Variants in SGCZ observed in about 807,000 individuals in gnomAD.
SGCZ encodes sarcoglycan zeta.
A neutral mutation model predicts 41.3 loss-of-function variants in SGCZ; 40 were observed. The ratio of observed to expected loss-of-function variants is 0.97; its 90% CI spans 0.75 to 1.26. The LOEUF is 1.26. Ranked by LOEUF, SGCZ falls within the 50% of genes most tolerant of loss-of-function variation. The pLI is 0.00. For synonymous variants in SGCZ, 206 were observed against 137.5 expected (o/e 1.50, Z -3.49); for missense variants, 552 against 369.8 (o/e 1.49, Z -4.04).
intron 1 of SGCZ, among the ~76,000 whole-genome samples, chr8:14,742,047 A>G (rs1377596217): frequency 3.3e-5 from 5 of 152,110 alleles, no homozygotes; most frequent in Non-Finnish European, 7.4e-5. Context: ...CAATAGTAAG[A>G]AAATGATAAC....
intron 1 of SGCZ, among the ~76,000 whole-genome samples, chr8:14,854,665 GAGA>G (rs149766865): frequency 1.1e-3 from 160 of 152,284 alleles, no homozygotes; most frequent in East Asian, 4.1e-3. Context: ...AAACAGTAGA[GAGA>G]AGAAGGATTT....
At chr8:14,888,415 A>G (rs953307639) in intron 1 of SGCZ, among the ~76,000 whole-genome samples, 1 of 152,158 alleles carries the variant, frequency 6.6e-6, no homozygotes, top group Non-Finnish European at 1.5e-5. Context: ...TTGAACCGTG[A>G]CTATGATTTC....
chr8:14,162,908 T>C (rs1804090097), intron 5 of SGCZ, among the ~76,000 whole-genome samples: 1 of 152,198 alleles, frequency 6.6e-6, no homozygotes, highest in African/African-American at 2.4e-5. Context: ...TCTGGCTCTG[T>C]CACTTGTGCT....
chr8:14,102,085 T>C (rs28590481), intron 7 of SGCZ, among the ~76,000 whole-genome samples: 30,141 of 124,324 alleles, frequency 0.24, 3,428 homozygotes, highest in Middle Eastern at 0.29. Flanking sequence ...TTTATATATA[T>C]ATATATATAT....
chr8:15,033,981 A>G (rs1397631798), intron 1 of SGCZ, among the ~76,000 whole-genome samples: 1 of 152,218 alleles, frequency 6.6e-6, no homozygotes, highest in African/African-American at 2.4e-5. Context: ...GACAAAGCCA[A>G]TCTTTAAAGA....
At chr8:14,144,873 C>CT (rs1803475831) in intron 5 of SGCZ, among the ~76,000 whole-genome samples, 1 of 152,022 alleles carries the variant, frequency 6.6e-6, no homozygotes, top group Admixed American at 6.6e-5. Context: ...GTGGTGGTGG[C>CT]TACTGGGTGA....
intron 5 of SGCZ, among the ~76,000 whole-genome samples, chr8:14,150,242 A>C (rs1177567660): frequency 6.6e-6 from 1 of 152,100 alleles, no homozygotes; most frequent in Non-Finnish European, 1.5e-5. Context: ...AGTGAAGAGA[A>C]AACCCACAAA....
intron 1 of SGCZ, among the ~76,000 whole-genome samples, chr8:14,718,489 A>C (rs1809770376): frequency 6.6e-6 from 1 of 152,084 alleles, no homozygotes; most frequent in African/African-American, 2.4e-5. Context: ...GTCCCAAATC[A>C]ATGATAACTA....
intron 1 of SGCZ, among the ~76,000 whole-genome samples, chr8:15,005,198 A>T (rs893745079): frequency 6.6e-6 from 1 of 152,110 alleles, no homozygotes; most frequent in Non-Finnish European, 1.5e-5. Context: ...GAGGCATCAA[A>T]AGTTCAAAAG....
intron 1 of SGCZ, among the ~76,000 whole-genome samples, chr8:14,838,123 C>T (rs371355603): frequency 3.9e-4 from 60 of 151,944 alleles, no homozygotes; most frequent in African/African-American, 8.0e-4. Flanking sequence ...CACTCATATG[C>T]GGGATAGAGA....
At chr8:15,235,147 C>G (rs1417968850) in intron 1 of SGCZ, among the ~76,000 whole-genome samples, 2 of 152,192 alleles carry the variant, frequency 1.3e-5, no homozygotes, top group South Asian at 4.1e-4. Flanking sequence ...CAGAGACTAA[C>G]TTGAACTGGA....
chr8:14,279,034 TAAA>T (rs2117283629), intron 3 of SGCZ, among the ~76,000 whole-genome samples: 2 of 152,188 alleles, frequency 1.3e-5, no homozygotes, highest in African/African-American at 4.8e-5. Flanking sequence ...CCCTGCAAAA[TAAA>T]ATAATGTGAT....
chr8:14,844,134 A>G lies in SGCZ; in HGVS notation c.40-289208T>C, dbSNP rs145474807. ...CCATGTATACTGTACCAAAATTCAC[A>G]AACACTCAAGTTTCTCATATAAAAT... is the stretch of plus-strand genomic sequence containing the variant. On this transcript the variant is annotated intron_variant, in intron 1 of 7. Transcript: ENST00000382080. Among the ~76,000 whole-genome samples, 25 of 152,184 alleles carry G rather than the reference A, an allele frequency of 1.6e-4. No individual in the cohort carries two copies. The East Asian group carries it at 4.4e-3, about 27-fold the overall frequency.
chr8:14,425,846 G>A (rs1408739733), intron 2 of SGCZ, among the ~76,000 whole-genome samples: 1 of 151,908 alleles, frequency 6.6e-6, no homozygotes, highest in African/African-American at 2.4e-5. Flanking sequence ...TAAGGACCAA[G>A]TAATAACAAA....
At chr8:14,267,389 C>T (rs1799910506) in intron 3 of SGCZ, among the ~76,000 whole-genome samples, 1 of 151,982 alleles carries the variant, frequency 6.6e-6, no homozygotes, top group Non-Finnish European at 1.5e-5. Context: ...TCTAATCAGC[C>T]TACTAGTGCC....
intron 2 of SGCZ, among the ~76,000 whole-genome samples, chr8:14,547,173 G>A (rs1803655228): frequency 6.6e-6 from 1 of 152,070 alleles, no homozygotes; most frequent in Non-Finnish European, 1.5e-5. Context: ...TTGACACTCT[G>A]TTCATTAAAG....
chr8:14,140,715 G>A (rs751944186), intron 5 of SGCZ, among the ~76,000 whole-genome samples: 7 of 152,070 alleles, frequency 4.6e-5, no homozygotes, highest in Non-Finnish European at 1.0e-4. Context: ...TGGATAGGAA[G>A]AATCAATATC....
Position 14,205,165 on chromosome 8 carries a change from G to C in SGCZ, c.424+32427C>G, listed in dbSNP as rs947057486. On this transcript the variant is annotated intron_variant, in intron 4 of 7. Coordinates refer to ENST00000382080, the MANE Select transcript of SGCZ (RefSeq NM_139167.4). The stretch of plus-strand genomic sequence containing the variant: ...GACTACACACAAAAGTGGTATCCTA[G>C]ACTTTATTTTTTTTTTTTCACTTCT... Among the ~76,000 whole-genome samples the C allele has an allele frequency of 1.5e-4, 6 of 39,514 alleles. No homozygotes were observed. The Admixed American group carries it at 1.7e-3, about 11-fold the overall frequency. The allele number at this position is 39,514 out of a possible 152,430, so 25.9% of individuals were successfully genotyped here. A position where few individuals can be genotyped will look rare whatever the true frequency, so the allele number is the denominator to read the frequency against.
chr8:14,309,331 T>C (rs1468951196), intron 3 of SGCZ: 7 of 1,599,594 alleles, frequency 4.4e-6, no homozygotes, highest in South Asian at 1.1e-5. Flanking sequence ...TGTGGGAAGA[T>C]GAGAAAAACA....
Sources: gnomAD v4.1 joint callset for allele counts (sites outside exome capture counted in the v4.1 genomes callset) on GRCh38, gnomAD v4.1.1 for gene constraint, MANE v1.5 for transcripts, NCBI Gene and HGNC (gene_info 2026-07-23, HGNC 2026-07-21) for gene names.